The following MCU variants were observed in gnomAD, a reference collection of about 807,000 sequenced individuals.
MCU encodes mitochondrial calcium uniporter.
Under a neutral mutation model 45.2 loss-of-function variants are expected in MCU, and 12 were observed. The ratio of observed to expected loss-of-function variants is 0.27; its 90% CI spans 0.17 to 0.43. The LOEUF is 0.43. Ranked by LOEUF, MCU falls within the 20% of genes least tolerant of loss-of-function variation. MCU has a pLI of 1.00. For missense variants in MCU, 324 were observed against 436.7 expected, an observed-to-expected ratio of 0.74 and a Z score of 2.30; for synonymous variants, 160 against 165.1, an observed-to-expected ratio of 0.97 and a Z score of 0.24.
intron 6 of MCU, among the ~76,000 whole-genome samples, chr10:72,880,073 T>G (rs1349744654): frequency 6.6e-6 from 1 of 152,120 alleles, no homozygotes; most frequent in African/African-American, 2.4e-5. Context: ...AAATTAAATG[T>G]GCAACAACAA....
intron 1 of MCU, among the ~76,000 whole-genome samples, chr10:72,816,402 C>T (rs1564565482): frequency 6.6e-6 from 1 of 152,178 alleles, no homozygotes; most frequent in Non-Finnish European, 1.5e-5. Context: ...GAAATTTCCT[C>T]TGGCTTCCTG....
At chr10:72,697,350 C>T (rs73284875) in intron 1 of MCU, among the ~76,000 whole-genome samples, 39,266 of 151,164 alleles carry the variant, frequency 0.26, 6,534 homozygotes, top group East Asian at 0.65. Flanking sequence ...CTCCTGGCCT[C>T]GGGTAACCCA....
At chr10:72,768,113 C>CAAA (rs67094206) in intron 1 of MCU, among the ~76,000 whole-genome samples, 1 of 150,840 alleles carries the variant, frequency 6.6e-6, no homozygotes, top group African/African-American at 2.4e-5. Context: ...GAGAGGAAAA[C>CAAA]AAAAAAAACA....
chr10:72,713,973 G>A (rs943799505), intron 1 of MCU, among the ~76,000 whole-genome samples: 2 of 151,304 alleles, frequency 1.3e-5, no homozygotes, highest in Non-Finnish European at 3.0e-5. Flanking sequence ...GTGTGTGTGT[G>A]TGTGTGTGTG....
At chr10:72,882,238 A>G (rs918838310) in intron 6 of MCU, among the ~76,000 whole-genome samples, 2 of 152,172 alleles carry the variant, frequency 1.3e-5, no homozygotes, top group Admixed American at 6.5e-5. Context: ...TGATAATTGC[A>G]TTAACTGCAC....
At chr10:72,695,136 T>TG (rs1311614530) in intron 1 of MCU, among the ~76,000 whole-genome samples, 1 of 152,238 alleles carries the variant, frequency 6.6e-6, no homozygotes, top group East Asian at 1.9e-4. Flanking sequence ...GTGAGCTGTG[T>TG]AATTCCATTG....
chr10:72,843,788 C>G (rs1490839062), intron 2 of MCU, among the ~76,000 whole-genome samples: 1 of 151,566 alleles, frequency 6.6e-6, no homozygotes, highest in Non-Finnish European at 1.5e-5. Context: ...GCTTCACATC[C>G]TTGCCAGCAT....
At chr10:72,874,292 T>G (rs563921016) in intron 6 of MCU, among the ~76,000 whole-genome samples, 2 of 152,304 alleles carry the variant, frequency 1.3e-5, no homozygotes, top group East Asian at 1.9e-4. Context: ...GGAATTCCAG[T>G]GTCACTTTAG....
At chr10:72,876,060 A>G (rs924491857) in intron 6 of MCU, among the ~76,000 whole-genome samples, 2 of 152,242 alleles carry the variant, frequency 1.3e-5, no homozygotes, top group African/African-American at 4.8e-5. Flanking sequence ...TAGGGTGGCA[A>G]TAATGAAAAA....
intron 1 of MCU, among the ~76,000 whole-genome samples, chr10:72,813,952 C>A (rs1167942699): frequency 1.3e-5 from 2 of 152,176 alleles, no homozygotes; most frequent in African/African-American, 4.8e-5. Context: ...GTTCTTGCTA[C>A]ACACTGTGTT....
intron 1 of MCU, among the ~76,000 whole-genome samples, chr10:72,778,362 C>T (rs898943705): frequency 9.9e-5 from 15 of 152,146 alleles, no homozygotes; most frequent in African/African-American, 3.6e-4. Context: ...GAATGAAATC[C>T]TGTCATTTGC....
chr10:72,838,691 T>C (rs1802603972), intron 2 of MCU, among the ~76,000 whole-genome samples: 1 of 152,224 alleles, frequency 6.6e-6, no homozygotes, highest in African/African-American at 2.4e-5. Flanking sequence ...GTTTATCTTG[T>C]ACTTAACAAA....
At chr10:72,787,964 G>A (rs935525002) in intron 1 of MCU, among the ~76,000 whole-genome samples, 7 of 151,912 alleles carry the variant, frequency 4.6e-5, no homozygotes, top group South Asian at 2.1e-4. Flanking sequence ...TGATCCATCC[G>A]CCTCGGCCTC....
chr10:72,751,011 T>C (rs1335536754), intron 1 of MCU, among the ~76,000 whole-genome samples: 1 of 152,186 alleles, frequency 6.6e-6, no homozygotes, highest in African/African-American at 2.4e-5. Context: ...TTTTATTTTA[T>C]TTTTTTGGAG....
At chr10:72,770,628 ATTC>A (rs1213053691) in intron 1 of MCU, among the ~76,000 whole-genome samples, 1 of 152,040 alleles carries the variant, frequency 6.6e-6, no homozygotes, top group Non-Finnish European at 1.5e-5. Context: ...AGAGTTTAAT[ATTC>A]ACCTTCTTAT....
intron 4 of MCU, among the ~76,000 whole-genome samples, chr10:72,865,698 G>A (rs889328061): frequency 1.3e-5 from 2 of 150,894 alleles, no homozygotes; most frequent in African/African-American, 2.4e-5. Flanking sequence ...CATGCCACAC[G>A]CCGGCAAATT....
In MCU at chr10:72,876,218, A is replaced by G. The variant is rs182942390; in HGVS notation, c.861+4638A>G. 5.3e-5 allele frequency among the ~76,000 whole-genome samples: 8 copies of G among 152,232 alleles called. No individual in the cohort carries two copies. In the East Asian group the frequency reaches 1.5e-3, roughly 29 times the overall value. Reference sequence around the variant, plus strand: ...TGTCCCACTTATAATATAAATTAGTATGTTAATTTCTGATAATTTATTTTC... The same window carrying G: ...TGTCCCACTTATAATATAAATTAGTGTGTTAATTTCTGATAATTTATTTTC... On this transcript the variant is annotated intron_variant, in intron 6 of 7. Coordinates refer to ENST00000373053, the MANE Select transcript of MCU (RefSeq NM_138357.3).
intron 3 of MCU, 31 bp from the exon 4 acceptor site, chr10:72,860,392 C>T (rs1845357720): frequency 6.4e-7 from 1 of 1,555,674 alleles, no homozygotes; most frequent in Non-Finnish European, 8.9e-7. Flanking sequence ...AATTATGGAC[C>T]TATGACAAGT....
At chr10:72,747,473 A>G (rs139076575) in intron 1 of MCU, among the ~76,000 whole-genome samples, 6 of 152,304 alleles carry the variant, frequency 3.9e-5, no homozygotes, top group Non-Finnish European at 5.9e-5. Context: ...TTGCTTTTGC[A>G]CTTCGCTGCA....
Sources: allele counts gnomAD v4.1 joint callset (sites outside exome capture counted in the v4.1 genomes callset), GRCh38; gene constraint gnomAD v4.1.1; transcripts MANE v1.5; gene names NCBI Gene and HGNC (gene_info 2026-07-23, HGNC 2026-07-21).